The following HAAO variants were observed in gnomAD, a reference collection of about 807,000 sequenced individuals.
HAAO encodes 3-hydroxyanthranilate oxygenase.
In HAAO, 49 loss-of-function variants were observed where a neutral mutation model predicts 46.2. That is an observed-to-expected ratio of 1.06 (90% CI 0.84 to 1.34). HAAO has a LOEUF of 1.34. Ranked by LOEUF, HAAO falls within the 40% of genes most tolerant of loss-of-function variation. The pLI is 0.00. For synonymous variants in HAAO, 157 were observed against 145.2 expected (o/e 1.08, Z -0.58); for missense variants, 408 against 364.5 (o/e 1.12, Z -0.97).
chr2:42,776,633 CTTTT>C (rs1219622958), intron 4 of HAAO, among the ~76,000 whole-genome samples: 1 of 134,098 alleles, frequency 7.5e-6, no homozygotes, highest in Non-Finnish European at 1.6e-5. Context: ...GAGTTGTTTC[CTTTT>C]TTTTTTTTTT....
Position 42,770,567 on chromosome 2 carries a change from G to A in HAAO, c.366C>T (p.Asp122=). Residue 122 remains aspartate, a synonymous_variant, in exon 5 of 10, where the codon GAC becomes GAT. Coordinates refer to ENST00000294973, the MANE Select transcript of HAAO (RefSeq NM_012205.3). ...ELDGLRYYVG[D]TMDVLFEKWF... ...ACTTCTCAAACAGAACGTCCATGGT[G>A]TCGCCCACATAGTACCTGCCAGAGC... 6.4e-7 allele frequency: 1 copy of A among 1,551,806 alleles called. No homozygotes were observed. Among genetic ancestry groups the A allele is most frequent in the Non-Finnish European group, 8.7e-7 (1 of 1,146,910 alleles).
intron 2 of HAAO, among the ~76,000 whole-genome samples, chr2:42,784,861 G>C (rs1672275847): frequency 6.6e-6 from 1 of 152,220 alleles, no homozygotes. Flanking sequence ...CCCCTGGAGG[G>C]ACTGTGGGGT....
At chr2:42,769,655 T>A in intron 7 of HAAO, 58 bp downstream of exon 7, 1 of 1,485,786 alleles carries the variant, frequency 6.7e-7, no homozygotes, top group Non-Finnish European at 9.2e-7. Context: ...GAGAGACTGG[T>A]TCCCATTTTC....
rs1468017317 is a variant in HAAO at position 42,769,737 on chromosome 2, C to G, written c.606G>C (p.Leu202=). 9 of 1,612,964 alleles carry G rather than the reference C, an allele frequency of 5.6e-6. No homozygotes were observed. The South Asian group carries it at 8.8e-5, about 16-fold the overall frequency. Residue 202 remains leucine, a synonymous_variant, in exon 7 of 10, where the codon CTG becomes CTC. Transcript: ENST00000294973. ...RELQAGTPLS[L]FGDTYETQVI... ...CCTGGGTCTCATAGGTGTCCCCAAA[C>G]AGGCTGAGTGGTGTGCCTGCCTGCA... is the stretch of plus-strand genomic sequence containing the variant.
intron 1 of HAAO, among the ~76,000 whole-genome samples, chr2:42,792,246 A>T (rs1672858856): frequency 6.6e-6 from 1 of 152,178 alleles, no homozygotes; most frequent in South Asian, 2.1e-4. Flanking sequence ...AGCCTTCTTC[A>T]GAAGTCAAGG....
At chr2:42,768,616 A>T (rs2104635301) in intron 7 of HAAO, among the ~76,000 whole-genome samples, 1 of 152,318 alleles carries the variant, frequency 6.6e-6, no homozygotes, top group East Asian at 1.9e-4. Flanking sequence ...ACTCATTCAA[A>T]GCCCATGGGA....
intron 4 of HAAO, among the ~76,000 whole-genome samples, chr2:42,779,951 A>G (rs1414726102): frequency 6.6e-6 from 1 of 152,192 alleles, no homozygotes; most frequent in African/African-American, 2.4e-5. Context: ...CTGTATTTGT[A>G]TAAATATATT....
chr2:42,788,576 C>G lies in HAAO; in HGVS notation c.112G>C (p.Gly38Arg). 1 of 1,605,442 alleles carries G rather than the reference C, an allele frequency of 6.2e-7. No individual in the cohort carries two copies. Among genetic ancestry groups the G allele is most frequent in the African/African-American group, 1.3e-5 (1 of 74,830 alleles). Reference sequence around the variant, plus strand: ...TAGTCCTTCCTGGTGTTGGGGCCTCCGATGAACATGACTTTGAGCTGCTCC... The same window carrying G: ...TAGTCCTTCCTGGTGTTGGGGCCTCGGATGAACATGACTTTGAGCTGCTCC... The part of the protein sequence containing the change: ...HQEQLKVMFI[G>R]GPNTRKDYHI... The change falls in exon 2 of 10, where the codon GGA (glycine) becomes CGA (arginine). Residue 38 changes from glycine to arginine, a missense_variant. Gly to Arg is a moderately radical substitution (Grantham distance 125). Coordinates refer to ENST00000294973, the MANE Select transcript of HAAO (RefSeq NM_012205.3).
intron 4 of HAAO, among the ~76,000 whole-genome samples, chr2:42,776,823 G>C (rs889113761): frequency 6.7e-6 from 1 of 150,270 alleles, no homozygotes; most frequent in Non-Finnish European, 1.5e-5. Context: ...TAGTAGAGAC[G>C]GGGTTTCACT....
intron 1 of HAAO, among the ~76,000 whole-genome samples, chr2:42,790,954 C>A (rs1044437588): frequency 2.6e-5 from 4 of 152,162 alleles, no homozygotes; most frequent in African/African-American, 7.2e-5. Context: ...ACCAGACCTG[C>A]CCCTCCTCTG....
At chr2:42,780,926 A>C (rs1243672481) in intron 4 of HAAO, among the ~76,000 whole-genome samples, 1 of 150,760 alleles carries the variant, frequency 6.6e-6, no homozygotes, top group Non-Finnish European at 1.5e-5. Context: ...AAAAAAAAAA[A>C]ATTTGCTGGG....
intron 1 of HAAO, among the ~76,000 whole-genome samples, chr2:42,791,923 GGT>G (rs1553413105): frequency 1.3e-5 from 2 of 150,248 alleles, no homozygotes; most frequent in Non-Finnish European, 3.0e-5. Context: ...GGTCTGGTGT[GGT>G]GTGTGTGTGT....
chr2:42,767,301 A>G lies in HAAO; in HGVS notation c.*136T>C, dbSNP rs1017073935. ...GCTGAGAAGGGCAGGAGGGTGGGTG[A>G]CAACAATGTGCAGGTCTGTGGGGGA... is the stretch of plus-strand genomic sequence containing the variant. On this transcript the variant is annotated 3_prime_UTR_variant, in exon 10 of 10. Coordinates refer to ENST00000294973, the MANE Select transcript of HAAO (RefSeq NM_012205.3). 2.9e-6 allele frequency: 2 copies of G among 687,968 alleles called. No individual in the cohort carries two copies. Among genetic ancestry groups the G allele is most frequent in the African/African-American group, 3.5e-5 (2 of 57,002 alleles). 42.6% of individuals were successfully genotyped at this position (687,968 alleles called of 1,614,324 possible). A position where few individuals can be genotyped will look rare whatever the true frequency, so the allele number is the denominator to read the frequency against.
intron 5 of HAAO, 55 bp from the exon 6 acceptor site, chr2:42,770,241 C>CACTCCCATCGGAGTGGCA: frequency 7.0e-7 from 1 of 1,430,222 alleles, no homozygotes; most frequent in Admixed American, 1.9e-5. Flanking sequence ...TCGGAGTGGC[C>CACTCCCATCGGAGTGGCA]AGCGACACAC....
intron 4 of HAAO, among the ~76,000 whole-genome samples, chr2:42,772,490 A>G (rs2104643024): frequency 6.6e-6 from 1 of 152,184 alleles, no homozygotes; most frequent in Admixed American, 6.5e-5. Flanking sequence ...CAAAAAAAAA[A>G]AAAAAGAATA....
chr2:42,776,194 T>A (rs967319727), intron 4 of HAAO, among the ~76,000 whole-genome samples: 2 of 150,840 alleles, frequency 1.3e-5, no homozygotes, highest in Non-Finnish European at 2.9e-5. Flanking sequence ...AATCCTGTGA[T>A]AGATTTCTGT....
chr2:42,782,766 C>T (rs534548109), intron 4 of HAAO: 126 of 341,818 alleles, frequency 3.7e-4, no homozygotes, highest in African/African-American at 2.6e-3. Flanking sequence ...TCTTATCTAC[C>T]TGTGACCTGG....
chr2:42,789,353 G>A (rs894593394), intron 1 of HAAO, among the ~76,000 whole-genome samples: 1 of 152,182 alleles, frequency 6.6e-6, no homozygotes, highest in Admixed American at 6.5e-5. Context: ...GGCAGAGGCG[G>A]ATGTATTGCT....
intron 4 of HAAO, among the ~76,000 whole-genome samples, chr2:42,774,677 TG>T (rs1558663454): frequency 6.6e-6 from 1 of 152,128 alleles, no homozygotes; most frequent in African/African-American, 2.4e-5. Context: ...GTAGCTGAAC[TG>T]GGGGTTTGTT....
Sources: gnomAD v4.1 joint callset for allele counts (sites outside exome capture counted in the v4.1 genomes callset) on GRCh38, gnomAD v4.1.1 for gene constraint, MANE v1.5 for transcripts, NCBI Gene and HGNC (gene_info 2026-07-23, HGNC 2026-07-21) for gene names.